Variants in APLF observed in about 807,000 individuals in gnomAD.
APLF encodes the protein aprataxin and PNKP like factor.
APLF carries 61 observed loss-of-function variants against 55.6 expected under a neutral mutation model. The observed-to-expected ratio is 1.10, with a 90% CI of 0.89 to 1.36. The LOEUF is 1.36. Ranked by LOEUF, APLF falls within the 40% of genes most tolerant of loss-of-function variation. The probability of loss-of-function intolerance (pLI) is 0.00; values close to 1 mark genes in which losing one functional copy is unlikely to be tolerated. For synonymous variants in APLF, 207 were observed against 214.8 expected, an observed-to-expected ratio of 0.96 and a Z score of 0.32; for missense variants, 611 against 602.5, an observed-to-expected ratio of 1.01 and a Z score of -0.15.
chr2:68,524,961 T>G (rs1402505679), intron 5 of APLF, among the ~76,000 whole-genome samples: 1 of 152,216 alleles, frequency 6.6e-6, no homozygotes, highest in Non-Finnish European at 1.5e-5. Context: ...ATGTCCATTG[T>G]TATTGAGATT....
chr2:68,517,663 AC>A (rs1669662766), intron 5 of APLF, among the ~76,000 whole-genome samples: 1 of 141,366 alleles, frequency 7.1e-6, no homozygotes, highest in Non-Finnish European at 1.5e-5. Flanking sequence ...TATTAACGTA[AC>A]AATAATATAT....
chr2:68,557,129 A>G (rs975190252), intron 8 of APLF, among the ~76,000 whole-genome samples: 11 of 152,202 alleles, frequency 7.2e-5, no homozygotes, highest in African/African-American at 2.2e-4. Flanking sequence ...AGGGCATACC[A>G]AAATCTGGGG....
intron 2 of APLF, among the ~76,000 whole-genome samples, chr2:68,499,732 A>G (rs750526080): frequency 2.6e-5 from 4 of 151,960 alleles, no homozygotes; most frequent in Non-Finnish European, 5.9e-5. Context: ...CCAGCTACTC[A>G]GGGGGCTGTG....
At chr2:68,532,609 A>C (rs1343069161) in intron 6 of APLF, among the ~76,000 whole-genome samples, 1 of 152,186 alleles carries the variant, frequency 6.6e-6, no homozygotes, top group Non-Finnish European at 1.5e-5. Flanking sequence ...GTATTAGACT[A>C]TGTAAAGAGT....
chr2:68,578,001 A>C lies in APLF; in HGVS notation c.1515A>C (p.Lys505Asn). 6.2e-7 allele frequency: 1 copy of C among 1,612,754 alleles called. No individual in the cohort carries two copies. Among genetic ancestry groups the C allele is most frequent in the Non-Finnish European group, 8.5e-7 (1 of 1,179,422 alleles). ...EDVEELLKEA[K>N]RFMKRK ...TGGAAGAGCTTTTGAAAGAAGCAAA[A>C]AGGTTTATGAAAAGAAAATAGTAAC... The change falls in exon 10 of 10, where the codon AAA becomes AAC. Residue 505 changes from lysine to asparagine, a missense_variant. Transcript: ENST00000303795.
intron 1 of APLF, among the ~76,000 whole-genome samples, chr2:68,474,555 T>A (rs1675715429): frequency 6.6e-6 from 1 of 152,256 alleles, no homozygotes; most frequent in South Asian, 2.1e-4. Context: ...ATTAATGCCT[T>A]CAAATTTTCA....
intron 1 of APLF, among the ~76,000 whole-genome samples, chr2:68,479,863 T>TTCC (rs1245942760): frequency 6.6e-6 from 1 of 152,128 alleles, no homozygotes; most frequent in Non-Finnish European, 1.5e-5. Context: ...GCTCTTCCTA[T>TTCC]TCCTCCTCCT....
At chr2:68,500,702 C>A (rs1436544867) in intron 2 of APLF, among the ~76,000 whole-genome samples, 1 of 152,162 alleles carries the variant, frequency 6.6e-6, no homozygotes, top group Non-Finnish European at 1.5e-5. Context: ...TATGTGGATT[C>A]CTGTTCTGAC....
rs527548386 is a variant in APLF, at chr2:68,558,318, T to G, written c.1287-9023T>G. ...TTTTGGCATACATAGTAAATTGTAGTAATTATCAGGTAACAAAGTGAGTAC... is the reference window on the plus strand; with the variant it reads ...TTTTGGCATACATAGTAAATTGTAGGAATTATCAGGTAACAAAGTGAGTAC... On this transcript the variant is annotated intron_variant, in intron 8 of 9. Transcript: ENST00000303795. Among the ~76,000 whole-genome samples the G allele has an allele frequency of 1.1e-4, 16 of 152,316 alleles. No individual in the cohort carries two copies. The South Asian group carries it at 3.3e-3, about 32-fold the overall frequency.
At chr2:68,542,806 G>T (rs1309848051) in intron 7 of APLF, among the ~76,000 whole-genome samples, 1 of 152,076 alleles carries the variant, frequency 6.6e-6, no homozygotes, top group Non-Finnish European at 1.5e-5. Flanking sequence ...TTCCACTTCT[G>T]GGTATATATC....
chr2:68,483,829 T>C (rs1288367816), intron 1 of APLF, among the ~76,000 whole-genome samples: 1 of 152,158 alleles, frequency 6.6e-6, no homozygotes, highest in Non-Finnish European at 1.5e-5. Flanking sequence ...AGGAACCAAG[T>C]TACATGAGAA....
At chr2:68,541,626 G>T (rs1670553107) in intron 7 of APLF, among the ~76,000 whole-genome samples, 1 of 152,096 alleles carries the variant, frequency 6.6e-6, no homozygotes, top group Non-Finnish European at 1.5e-5. Flanking sequence ...AAATATTTTT[G>T]GCTTCATGGG....
chr2:68,567,272 T>C, intron 8 of APLF, 69 bp from the exon 9 acceptor site: 1 of 1,327,638 alleles, frequency 7.5e-7, no homozygotes, highest in Non-Finnish European at 1.1e-6. Context: ...AGTGTTCTGG[T>C]TTAGTGTAAA....
intron 3 of APLF, among the ~76,000 whole-genome samples, chr2:68,506,348 A>G (rs2103940088): frequency 6.6e-6 from 1 of 150,884 alleles, no homozygotes; most frequent in African/African-American, 2.5e-5. Context: ...CCTGATTTCC[A>G]GAGAGGGAGA....
intron 1 of APLF, among the ~76,000 whole-genome samples, chr2:68,482,211 G>A (rs1675981629): frequency 6.6e-6 from 1 of 151,106 alleles, no homozygotes; most frequent in Non-Finnish European, 1.5e-5. Context: ...TGGAATAGTT[G>A]CCTCTTCTAA....
intron 9 of APLF, among the ~76,000 whole-genome samples, chr2:68,570,535 CAT>C (rs1379277230): frequency 6.7e-6 from 1 of 149,410 alleles, no homozygotes; most frequent in Non-Finnish European, 1.5e-5. Context: ...TAAGTGAGAA[CAT>C]GTGGTGTTTG....
In APLF at chr2:68,467,777, G is replaced by C. The variant is rs749087765; in HGVS notation, c.46G>C (p.Val16Leu). ...ELQPRDGGPR[V>L]ALAPGETVIG... is the part of the protein sequence containing the mutation. ...GCAGCCGCGGGACGGCGGTCCCCGG[G>C]TGGCCCTGGCGCCCGGGGAGACGGT... The change falls in exon 1 of 10, where the codon GTG becomes CTG. Residue 16 changes from valine (V) to leucine (L), a missense_variant. Physicochemically the swap from Val to Leu is conservative, Grantham distance 32. Transcript: ENST00000303795. The C allele has an allele frequency of 1.6e-6, 2 of 1,234,480 alleles. No individual in the cohort carries two copies. The highest frequency in any genetic ancestry group is 3.2e-5 in the East Asian group (1 of 31,704). 76.5% of individuals were successfully genotyped at this position (1,234,480 alleles called of 1,614,324 possible). A position where few individuals can be genotyped will look rare whatever the true frequency, so the allele number is the denominator to read the frequency against.
rs1435694242 is a variant in APLF, at chr2:68,545,199, T to C, written c.1173T>C (p.Val391=). The C allele has an allele frequency of 6.2e-7, 1 of 1,613,530 alleles. No homozygotes were observed. Among genetic ancestry groups the C allele is most frequent in the Non-Finnish European group, 8.5e-7 (1 of 1,179,722 alleles). ...YGANCYRKNP[V]HFQHFSHPGD... Reference sequence around the variant, plus strand: ...GTCGCCCTCCTAGGAAGAATCCTGTTCATTTTCAACATTTTAGCCATCCTG... The same window carrying C: ...GTCGCCCTCCTAGGAAGAATCCTGTCCATTTTCAACATTTTAGCCATCCTG... The change falls in exon 8 of 10, where the codon GTT becomes GTC. Residue 391 remains valine (V), a synonymous_variant. Transcript: ENST00000303795.
chr2:68,539,714 A>T (rs1174893151), intron 7 of APLF, among the ~76,000 whole-genome samples: 1 of 152,198 alleles, frequency 6.6e-6, no homozygotes, highest in African/African-American at 2.4e-5. Context: ...TTTATGAAAA[A>T]AATTCTTAAT....
Sources: gnomAD v4.1 joint callset for allele counts (sites outside exome capture counted in the v4.1 genomes callset) on GRCh38, gnomAD v4.1.1 for gene constraint, MANE v1.5 for transcripts, NCBI Gene and HGNC (gene_info 2026-07-23, HGNC 2026-07-21) for gene names.